Variants in CA1 observed in about 807,000 individuals in gnomAD.
The protein encoded by CA1 is carbonate dehydratase I.
CA1 carries 27 observed loss-of-function variants against 28.8 expected under a neutral mutation model. The observed-to-expected ratio is 0.94, with a 90% CI of 0.69 to 1.29. The LOEUF (loss-of-function observed/expected upper bound fraction) is 1.29, where lower values mean the gene tolerates loss of function less well. Among genes scored for constraint, CA1 ranks in the 50% most tolerant of loss-of-function variants. CA1 has a pLI of 0.00. For synonymous variants in CA1, 121 were observed against 108.8 expected, an observed-to-expected ratio of 1.11 and a Z score of -0.70; for missense variants, 335 against 310.5, an observed-to-expected ratio of 1.08 and a Z score of -0.59.
At position 85,338,257 on chromosome 8, in the gene CA1, C is replaced by A; in HGVS notation, c.230G>T (p.Arg77Leu). The change falls in exon 3 of 8, where the codon CGA becomes CTA. Residue 77 changes from arginine to leucine, a missense_variant. Arg to Leu is a moderately radical substitution (Grantham distance 102). Coordinates refer to ENST00000523022, the MANE Select transcript of CA1 (RefSeq NM_001128831.4). ...AGAAGGGTCTTTCAGCTCACCTGAT[C>A]GGTTATCGTTGTCCTCAAAATTTAC... Reference protein sequence around the residue: ...FHVNFEDNDNRSVLKGGPFSD... With the variant: ...FHVNFEDNDNLSVLKGGPFSD... The A allele has an allele frequency of 6.2e-7, 1 of 1,612,440 alleles. No individual in the cohort carries two copies. Among genetic ancestry groups the A allele is most frequent in the Admixed American group, 1.7e-5 (1 of 60,008 alleles).
chr8:85,377,987 A>G (rs906947689), intron 1 of CA1, 59 bp downstream of exon 1: 61 of 152,318 alleles, frequency 4.0e-4, no homozygotes, highest in African/African-American at 1.4e-3. Flanking sequence ...TTCTTTTGGC[A>G]GTCGGATAAA....
At position 85,333,517 on chromosome 8, in the gene CA1, T is replaced by C. The variant is rs572270513; in HGVS notation, c.450+8A>G. On this transcript the variant is annotated splice_region_variant and intron_variant, in intron 5 of 7. Transcript: ENST00000523022. ...GGAAGCAGAGCTGTGTAATTATCTGTAACTCACCTTCATCAAAACACCAAT... is the reference window on the plus strand; with the variant it reads ...GGAAGCAGAGCTGTGTAATTATCTGCAACTCACCTTCATCAAAACACCAAT... 184 of 1,571,558 alleles carry C rather than the reference T, an allele frequency of 1.2e-4. 1 individual carries two copies. In the East Asian group the frequency reaches 3.8e-3, roughly 33 times the overall value.
intron 1 of CA1, among the ~76,000 whole-genome samples, chr8:85,350,306 T>G (rs771732694): frequency 3.3e-5 from 5 of 152,200 alleles, no homozygotes; most frequent in Non-Finnish European, 7.3e-5. Flanking sequence ...AGGGCTCTTT[T>G]AGCTTCTGGA....
At chr8:85,334,938 C>G (rs536851167) in intron 4 of CA1, among the ~76,000 whole-genome samples, 1 of 151,956 alleles carries the variant, frequency 6.6e-6, no homozygotes, top group African/African-American at 2.4e-5. Flanking sequence ...TGCAGTAAGC[C>G]GAGATCGTGC....
intron 1 of CA1, among the ~76,000 whole-genome samples, chr8:85,344,100 C>A (rs1351645684): frequency 1.1e-5 from 1 of 87,368 alleles, no homozygotes; most frequent in African/African-American, 4.1e-5. Flanking sequence ...TATATATATA[C>A]TTTTAAATTT....
chr8:85,332,585 A>C (rs1471236671), intron 5 of CA1, 33 bp from the exon 6 acceptor site: 2 of 1,529,340 alleles, frequency 1.3e-6, no homozygotes, highest in Non-Finnish European at 9.1e-7. Flanking sequence ...TATGAGATAA[A>C]GATTATTATC....
chr8:85,331,352 C>T (rs1254221088), intron 6 of CA1, among the ~76,000 whole-genome samples: 1 of 151,928 alleles, frequency 6.6e-6, no homozygotes, highest in Non-Finnish European at 1.5e-5. Flanking sequence ...TATCCAGCTT[C>T]CCCAAAGTCT....
chr8:85,337,856 T>G, intron 3 of CA1: 1 of 308,294 alleles, frequency 3.2e-6, no homozygotes, highest in African/African-American at 2.2e-5. Context: ...AGTCACTGCT[T>G]TGTTTTTCTT....
At chr8:85,355,463 G>T (rs1458845683) in intron 1 of CA1, among the ~76,000 whole-genome samples, 2 of 151,446 alleles carry the variant, frequency 1.3e-5, no homozygotes, top group African/African-American at 4.9e-5. Context: ...GATCACTGCA[G>T]CATCCAGGTC....
At chr8:85,349,488 G>A (rs971528077) in intron 1 of CA1, among the ~76,000 whole-genome samples, 2 of 152,176 alleles carry the variant, frequency 1.3e-5, no homozygotes, top group African/African-American at 4.8e-5. Context: ...GTTTAGTCGT[G>A]TGGGAAACTA....
At chr8:85,368,198 T>C (rs1331747231) in intron 1 of CA1, among the ~76,000 whole-genome samples, 1 of 151,928 alleles carries the variant, frequency 6.6e-6, no homozygotes, top group Non-Finnish European at 1.5e-5. Flanking sequence ...AGGCAGAGTC[T>C]CACTCTGTTG....
chr8:85,332,248 T>G, intron 6 of CA1: 1 of 404,478 alleles, frequency 2.5e-6, no homozygotes, highest in Admixed American at 3.9e-5. Flanking sequence ...GTAATCTGGT[T>G]TTCTACAGGC....
At chr8:85,349,033 T>C (rs890837746) in intron 1 of CA1, among the ~76,000 whole-genome samples, 2 of 151,996 alleles carry the variant, frequency 1.3e-5, no homozygotes, top group Admixed American at 1.3e-4. Flanking sequence ...CACCCCGGGG[T>C]TTTTCTAATA....
At chr8:85,342,345 A>G (rs926243089) in intron 1 of CA1, among the ~76,000 whole-genome samples, 2 of 152,310 alleles carry the variant, frequency 1.3e-5, no homozygotes, top group South Asian at 2.1e-4. Flanking sequence ...TAATAGCTCT[A>G]TATAATTTAT....
At chr8:85,367,397 T>A (rs1810050415) in intron 1 of CA1, among the ~76,000 whole-genome samples, 1 of 152,204 alleles carries the variant, frequency 6.6e-6, no homozygotes, top group Non-Finnish European at 1.5e-5. Context: ...TGTACTTGTT[T>A]GAAAAAAACC....
chr8:85,372,358 G>C (rs1487856908), intron 1 of CA1, among the ~76,000 whole-genome samples: 1 of 152,140 alleles, frequency 6.6e-6, no homozygotes. Context: ...GAGAACCCTT[G>C]TGCATTTCTG....
intron 3 of CA1, chr8:85,337,839 A>T (rs537875038): frequency 9.6e-5 from 29 of 300,538 alleles, no homozygotes; most frequent in South Asian, 8.8e-4. Context: ...GAGTATAAGG[A>T]TAATTCAGTC....
chr8:85,356,278 T>G (rs1457707092), intron 1 of CA1, among the ~76,000 whole-genome samples: 5 of 152,154 alleles, frequency 3.3e-5, no homozygotes, highest in Non-Finnish European at 7.3e-5. Context: ...GAGCTTCAGT[T>G]TTTTTGTTTG....
At chr8:85,370,123 G>A (rs1447950240) in intron 1 of CA1, among the ~76,000 whole-genome samples, 1 of 152,174 alleles carries the variant, frequency 6.6e-6, no homozygotes, top group African/African-American at 2.4e-5. Context: ...CCATAGAATA[G>A]GTTAGGACTG....
Sources: allele counts gnomAD v4.1 joint callset (sites outside exome capture counted in the v4.1 genomes callset), GRCh38; gene constraint gnomAD v4.1.1; transcripts MANE v1.5; gene names NCBI Gene and HGNC (gene_info 2026-07-23, HGNC 2026-07-21).